The following TUBGCP4 variants were observed in gnomAD, a reference collection of about 807,000 sequenced individuals.
The protein encoded by TUBGCP4 is tubulin gamma complex component 4.
TUBGCP4 carries 54 observed loss-of-function variants against 91.6 expected under a neutral mutation model. That is an observed-to-expected ratio of 0.59 (90% CI 0.47 to 0.74). The LOEUF is 0.74. Ranked by LOEUF, TUBGCP4 falls within the 30% of genes least tolerant of loss-of-function variation. TUBGCP4 has a pLI of 0.00. For missense variants in TUBGCP4, 593 were observed against 800.9 expected (o/e 0.74, Z 3.13); for synonymous variants, 297 against 302.8 (o/e 0.98, Z 0.20).
intron 9 of TUBGCP4, 45 bp downstream of exon 9, chr15:43,386,375 ATATT>A (rs2044369443): frequency 8.3e-5 from 3 of 36,046 alleles, no homozygotes; most frequent in East Asian, 5.7e-4. Context: ...ATATATATAT[ATATT>A]TTTTTTTTTT....
At position 43,407,553 on chromosome 15, in the gene TUBGCP4, A is replaced by G; in HGVS notation, c.*2339A>G. ...GAGGGGTCCGTCACCACCACATCAA[A>G]TACCCCTAAAGCAATATCTGCAAGG... On this transcript the variant is annotated 3_prime_UTR_variant, in exon 18 of 18. Coordinates refer to ENST00000564079, the MANE Select transcript of TUBGCP4 (RefSeq NM_014444.5). 1 of 1,613,844 alleles carries G rather than the reference A, an allele frequency of 6.2e-7. No homozygotes were observed. The highest frequency in any genetic ancestry group is 8.5e-7 in the Non-Finnish European group (1 of 1,179,844).
intron 6 of TUBGCP4, among the ~76,000 whole-genome samples, chr15:43,380,643 A>G (rs974737166): frequency 6.6e-6 from 1 of 152,262 alleles, no homozygotes. Flanking sequence ...AATGTTGTCT[A>G]CTATATCAGG....
intron 8 of TUBGCP4, 53 bp from the exon 9 acceptor site, chr15:43,386,153 A>T: frequency 6.4e-7 from 1 of 1,562,356 alleles, no homozygotes; most frequent in Non-Finnish European, 8.7e-7. Flanking sequence ...AGAAAACCCT[A>T]ACTGTCCTGG....
chr15:43,403,506 A>C (rs991224194), intron 15 of TUBGCP4, 177 bp from the exon 16 acceptor site: 3 of 569,648 alleles, frequency 5.3e-6, no homozygotes, highest in Non-Finnish European at 9.5e-6. Flanking sequence ...CATTTGTTTT[A>C]CGCATTTTGT....
At chr15:43,394,820 A>G (rs2044554260) in intron 9 of TUBGCP4, 1 of 426,694 alleles carries the variant, frequency 2.3e-6, no homozygotes, top group Non-Finnish European at 4.3e-6. Flanking sequence ...CATGATTGTA[A>G]GTTTCCTGAG....
At chr15:43,394,384 A>G (rs1478379393) in intron 9 of TUBGCP4, 1 of 152,024 alleles carries the variant, frequency 6.6e-6, no homozygotes, top group African/African-American at 2.4e-5. Flanking sequence ...CGCCTGGGCT[A>G]TTTTCTCACA....
At position 43,409,246 on chromosome 15, in the gene TUBGCP4, C is replaced by T. The variant is rs1238781774; in HGVS notation, c.*4032C>T. 8 of 685,578 alleles carry T rather than the reference C, an allele frequency of 1.2e-5. No homozygotes were observed. In the Admixed American group the frequency reaches 1.5e-4, roughly 13 times the overall value. 42.5% of individuals were successfully genotyped at this position (685,578 alleles called of 1,614,324 possible). A position where few individuals can be genotyped will look rare whatever the true frequency, so the allele number is the denominator to read the frequency against. On this transcript the variant is annotated 3_prime_UTR_variant, in exon 18 of 18. Transcript: ENST00000564079. The stretch of plus-strand genomic sequence containing the variant: ...GTCTATCCTGCCCAAGGCCACTCTT[C>T]TCACTGGAAGGCCCAAGTAATTTCC...
rs1258121350 is a variant in TUBGCP4, at chr15:43,407,391, A to AAAC, written c.*2179_*2181dup. ...AGTAAGACCAAGTATCTTTAGTGAG[A>AAAC]AACATAATCGTGTTTATATTTTGGA... On this transcript the variant is annotated 3_prime_UTR_variant, in exon 18 of 18. Coordinates refer to ENST00000564079, the MANE Select transcript of TUBGCP4 (RefSeq NM_014444.5). 6 of 1,614,122 alleles carry AAAC rather than the reference A, an allele frequency of 3.7e-6. No homozygotes were observed. The South Asian group carries it at 5.5e-5, about 15-fold the overall frequency.
At chr15:43,377,615 A>C (rs2044225996) in intron 4 of TUBGCP4, 1 of 346,518 alleles carries the variant, frequency 2.9e-6, no homozygotes, top group African/African-American at 2.2e-5. Flanking sequence ...CTGTCTCAAA[A>C]AAAAAAAAAA....
chr15:43,371,367 C>A lies in TUBGCP4; in HGVS notation c.13C>A (p.Leu5Met), dbSNP rs1012245751. Residue 5 changes from leucine to methionine, a missense_variant, in exon 1 of 18, where the codon CTG becomes ATG. Transcript: ENST00000564079. The stretch of plus-strand genomic sequence containing the variant: ...GTCCGCCGTGGGAATGATCCACGAA[C>A]TGCTCTTGGCTCTGAGCGGGTACCC... MIHELLLALSGYPGS... is the reference protein window; with the variant it reads MIHEMLLALSGYPGS... 3.1e-6 allele frequency: 5 copies of A among 1,613,958 alleles called. No homozygotes were observed. In the African/African-American group the frequency reaches 6.7e-5, roughly 22 times the overall value.
intron 14 of TUBGCP4, among the ~76,000 whole-genome samples, chr15:43,400,636 C>T (rs888313504): frequency 3.9e-5 from 6 of 151,908 alleles, no homozygotes; most frequent in African/African-American, 1.5e-4. Flanking sequence ...CTGGCTTCAG[C>T]GAGGTGTCAT....
intron 1 of TUBGCP4, among the ~76,000 whole-genome samples, chr15:43,372,547 G>A (rs1320608986): frequency 2.8e-5 from 4 of 143,018 alleles, no homozygotes; most frequent in Non-Finnish European, 6.0e-5. Flanking sequence ...CATATAGGAG[G>A]ACAGTATTTA....
At chr15:43,404,670 TTAGAGA>T in intron 17 of TUBGCP4, 118 bp downstream of exon 17, 1 of 1,095,368 alleles carries the variant, frequency 9.1e-7, no homozygotes, top group Non-Finnish European at 1.3e-6. Context: ...TAAGTAAGGC[TTAGAGA>T]TAGAGGTGTG....
chr15:43,402,808 TG>T (rs1336017657), intron 15 of TUBGCP4: 27 of 152,370 alleles, frequency 1.8e-4, no homozygotes, highest in African/African-American at 6.5e-4. Context: ...TAGTTTCTAA[TG>T]GAACGGTTAT....
At chr15:43,380,053 A>G (rs375519324) in intron 5 of TUBGCP4, 31 bp from the exon 6 acceptor site, 21 of 1,605,512 alleles carry the variant, frequency 1.3e-5, no homozygotes, top group Non-Finnish European at 1.7e-5. Context: ...TTAGAATGGA[A>G]TCCAGTTTGA....
At position 43,406,224 on chromosome 15, in the gene TUBGCP4, A is replaced by T. The variant is rs572012056; in HGVS notation, c.*1010A>T. On this transcript the variant is annotated 3_prime_UTR_variant, in exon 18 of 18. Coordinates refer to ENST00000564079, the MANE Select transcript of TUBGCP4 (RefSeq NM_014444.5). ...CAGCCATCACTGGTAATCAATATTC[A>T]TATCAGTGTAAGTAAAAAGAAATAT... is the stretch of plus-strand genomic sequence containing the variant. 3 of 172,940 alleles carry T rather than the reference A, an allele frequency of 1.7e-5. No individual in the cohort carries two copies. Among genetic ancestry groups the T allele is most frequent in the African/African-American group, 4.8e-5 (2 of 41,982 alleles). The allele number at this position is 172,940 out of a possible 1,614,324, so 10.7% of individuals were successfully genotyped here.
At chr15:43,380,746 CAT>C (rs558066457) in intron 6 of TUBGCP4, among the ~76,000 whole-genome samples, 1 of 152,118 alleles carries the variant, frequency 6.6e-6, no homozygotes, top group Non-Finnish European at 1.5e-5. Context: ...GGTACTATAA[CAT>C]GTAAACTATT....
At position 43,386,346 on chromosome 15, in the gene TUBGCP4, TA is replaced by T. The variant is rs1218914411; in HGVS notation, c.1014+17del. 6.1e-5 allele frequency: 2 copies of T among 32,740 alleles called. No individual in the cohort carries two copies. The highest frequency in any genetic ancestry group is 8.8e-5 in the Non-Finnish European group (2 of 22,602). 2.0% of individuals were successfully genotyped at this position (32,740 alleles called of 1,614,324 possible). A position where few individuals can be genotyped will look rare whatever the true frequency, so the allele number is the denominator to read the frequency against. The stretch of plus-strand genomic sequence containing the variant: ...TGTGGCTGAGGTTTGTGTTTCATCG[TA>T]TATATATATATATATATATATATAT... On this transcript the variant is annotated intron_variant, in intron 9 of 17. Transcript: ENST00000564079.
intron 1 of TUBGCP4, among the ~76,000 whole-genome samples, chr15:43,375,709 TG>T (rs2044195108): frequency 6.6e-6 from 1 of 152,200 alleles, no homozygotes; most frequent in Admixed American, 6.5e-5. Flanking sequence ...CCATGGAGTC[TG>T]CAGACCCCCA....
Sources: allele counts gnomAD v4.1 joint callset (sites outside exome capture counted in the v4.1 genomes callset), GRCh38; gene constraint gnomAD v4.1.1; transcripts MANE v1.5; gene names NCBI Gene and HGNC (gene_info 2026-07-23, HGNC 2026-07-21).